The following CNTN4 variants were observed in gnomAD, a reference collection of about 807,000 sequenced individuals.
CNTN4 encodes the protein contactin 4.
CNTN4 carries 77 observed loss-of-function variants against 122.5 expected under a neutral mutation model. That is an observed-to-expected ratio of 0.63 (90% CI 0.52 to 0.76). The LOEUF is 0.76. Among genes scored for constraint, CNTN4 ranks in the 30% least tolerant of loss-of-function variants. The pLI, the probability that CNTN4 is intolerant of heterozygous loss-of-function variation, is 0.00. For synonymous variants in CNTN4, 512 were observed against 447.0 expected, an observed-to-expected ratio of 1.15 and a Z score of -1.83; for missense variants, 1,256 against 1,259.1, an observed-to-expected ratio of 1.00 and a Z score of 0.04.
chr3:3,026,633 T>A (rs1428045343), intron 15 of CNTN4, among the ~76,000 whole-genome samples: 1 of 152,104 alleles, frequency 6.6e-6, no homozygotes, highest in Non-Finnish European at 1.5e-5. Context: ...ATATCATATA[T>A]CCTAGAATCT....
chr3:2,790,264 G>C (rs2091967732), intron 6 of CNTN4, among the ~76,000 whole-genome samples: 1 of 152,134 alleles, frequency 6.6e-6, no homozygotes, highest in Admixed American at 6.5e-5. Context: ...TCTGTATTTG[G>C]GGCCATGTAA....
chr3:2,926,682 G>A (rs1434367794), intron 13 of CNTN4, among the ~76,000 whole-genome samples: 1 of 152,148 alleles, frequency 6.6e-6, no homozygotes, highest in African/African-American at 2.4e-5. Flanking sequence ...CTTTACACCT[G>A]TACACCTTTG....
At position 2,255,410 on chromosome 3, in the gene CNTN4, G is replaced by C. The variant is rs538106228; in HGVS notation, c.-144-83768G>C. 4.6e-5 allele frequency among the ~76,000 whole-genome samples: 7 copies of C among 152,236 alleles called. No individual in the cohort carries two copies. In the South Asian group the frequency reaches 1.5e-3, roughly 32 times the overall value. On this transcript the variant is annotated intron_variant, in intron 2 of 24. Coordinates refer to ENST00000418658, the MANE Select transcript of CNTN4 (RefSeq NM_175607.3). ...AAATTAACAAGGATATTTAGGACTT[G>C]AACTCAGCTCTGAACCATGTGGATC...
chr3:2,627,062 ATGT>A (rs1239363111), intron 4 of CNTN4, among the ~76,000 whole-genome samples: 1 of 152,128 alleles, frequency 6.6e-6, no homozygotes, highest in Admixed American at 6.5e-5. Context: ...TAGTCTGAAC[ATGT>A]TGTTGAGGTA....
intron 4 of CNTN4, among the ~76,000 whole-genome samples, chr3:2,612,473 G>A (rs2081541606): frequency 6.6e-6 from 1 of 152,126 alleles, no homozygotes; most frequent in Non-Finnish European, 1.5e-5. Flanking sequence ...GTGTGTATAT[G>A]TGTGTGTGCG....
At chr3:3,004,391 C>G (rs1170931902) in intron 14 of CNTN4, among the ~76,000 whole-genome samples, 1 of 152,206 alleles carries the variant, frequency 6.6e-6, no homozygotes, top group Non-Finnish European at 1.5e-5. Flanking sequence ...CTTCCACCCA[C>G]TGTAGCTCTA....
chr3:2,571,962 G>C (rs530071256), intron 4 of CNTN4, among the ~76,000 whole-genome samples: 1 of 152,226 alleles, frequency 6.6e-6, no homozygotes, highest in African/African-American at 2.4e-5. Context: ...TGTCTTTGTT[G>C]ATACCACTCC....
rs4525850 is a variant in CNTN4, at chr3:2,621,591, A to G, written c.55+50033A>G. 4.6e-3 allele frequency among the ~76,000 whole-genome samples: 706 copies of G among 152,212 alleles called. 5 individuals are homozygous for G. Among genetic ancestry groups the G allele is most frequent in the African/African-American group, 0.017 (686 of 41,530 alleles). ...CAGCAAACCACCATGGCACGTGTAT[A>G]CCTATGTAACAAACCTGCACGTTCT... On this transcript the variant is annotated intron_variant, in intron 4 of 24. Transcript: ENST00000418658.
intron 14 of CNTN4, 155 bp downstream of exon 14, chr3:2,988,627 C>A (rs1694798699): frequency 2.6e-6 from 2 of 757,034 alleles, no homozygotes; most frequent in Non-Finnish European, 2.2e-6. Flanking sequence ...ATTAATAATT[C>A]TTAGAAAACT....
chr3:2,120,383 A>ATT (rs1559260782), intron 2 of CNTN4, among the ~76,000 whole-genome samples: 9 of 59,826 alleles, frequency 1.5e-4, no homozygotes, highest in African/African-American at 6.6e-4. Flanking sequence ...AAATATATAT[A>ATT]TATATATATA....
intron 3 of CNTN4, among the ~76,000 whole-genome samples, chr3:2,521,259 A>C (rs886231778): frequency 6.6e-6 from 1 of 151,932 alleles, no homozygotes; most frequent in Non-Finnish European, 1.5e-5. Flanking sequence ...GTTTGAAGAT[A>C]GGATTTTGTA....
rs745471342 is a variant in CNTN4 at position 3,040,110 on chromosome 3, T to C, written c.2237T>C (p.Ile746Thr). 2 of 1,614,214 alleles carry C rather than the reference T, an allele frequency of 1.2e-6. No individual in the cohort carries two copies. Among genetic ancestry groups the C allele is most frequent in the Non-Finnish European group, 1.7e-6 (2 of 1,180,016 alleles). Residue 746 changes from isoleucine (I) to threonine (T), a missense_variant, in exon 20 of 25, where the codon ATC (isoleucine) becomes ACC (threonine). By Grantham distance (89) the Ile-to-Thr change is moderately conservative. Coordinates refer to ENST00000418658, the MANE Select transcript of CNTN4 (RefSeq NM_175607.3). ...GCCTTCCGGCCCTACGGTAAAATGA[T>C]CTGGATGCTGACAGTGCTGGCCTCA... is the stretch of plus-strand genomic sequence containing the variant. Reference protein sequence around the residue: ...VVAFRPYGKMIWMLTVLASAD... With the variant: ...VVAFRPYGKMTWMLTVLASAD...
intron 7 of CNTN4, among the ~76,000 whole-genome samples, chr3:2,843,045 C>G (rs147429052): frequency 1.1e-3 from 174 of 152,200 alleles, no homozygotes; most frequent in African/African-American, 3.9e-3. Context: ...CAGCCCCTCT[C>G]CCTCCTAAAT....
chr3:2,776,791 G>T (rs188875188), intron 6 of CNTN4, among the ~76,000 whole-genome samples: 1 of 152,052 alleles, frequency 6.6e-6, no homozygotes, highest in East Asian at 1.9e-4. Flanking sequence ...TGCTGAGCCC[G>T]TAGAGTACAA....
intron 6 of CNTN4, among the ~76,000 whole-genome samples, chr3:2,747,976 T>G (rs918897360): frequency 2.0e-5 from 3 of 152,236 alleles, no homozygotes; most frequent in Non-Finnish European, 2.9e-5. Context: ...TATGTGAAGA[T>G]ATGATCATGT....
At chr3:2,949,440 G>A (rs963565130) in intron 13 of CNTN4, among the ~76,000 whole-genome samples, 2 of 152,190 alleles carry the variant, frequency 1.3e-5, no homozygotes, top group Admixed American at 6.5e-5. Flanking sequence ...ATGCTTTCAG[G>A]AAGGGCCTTT....
chr3:2,175,064 A>T (rs941542009), intron 2 of CNTN4, among the ~76,000 whole-genome samples: 4 of 152,192 alleles, frequency 2.6e-5, no homozygotes, highest in African/African-American at 9.7e-5. Context: ...GGTGATTAGG[A>T]TTTCAGCATT....
chr3:2,752,318 C>G (rs1227615559), intron 6 of CNTN4, among the ~76,000 whole-genome samples: 3 of 152,144 alleles, frequency 2.0e-5, no homozygotes, highest in Non-Finnish European at 4.4e-5. Flanking sequence ...TGGGAACATG[C>G]AAAATTCTCT....
intron 3 of CNTN4, among the ~76,000 whole-genome samples, chr3:2,548,273 GC>G (rs1414249460): frequency 6.6e-6 from 1 of 152,154 alleles, no homozygotes; most frequent in East Asian, 1.9e-4. Flanking sequence ...CAATGGTATT[GC>G]CTAGGTTTTC....
Sources: gnomAD v4.1 joint callset for allele counts (sites outside exome capture counted in the v4.1 genomes callset) on GRCh38, gnomAD v4.1.1 for gene constraint, MANE v1.5 for transcripts, NCBI Gene and HGNC (gene_info 2026-07-23, HGNC 2026-07-21) for gene names.